NPAS3: variants seen among roughly 807,000 people sequenced by gnomAD.
The protein encoded by NPAS3 is neuronal PAS domain protein 3, also known as neuronal PAS domain-containing protein 3.
In NPAS3, 14 loss-of-function variants were observed where a neutral mutation model predicts 73.1. That is an observed-to-expected ratio of 0.19 (90% CI 0.13 to 0.30). The LOEUF (loss-of-function observed/expected upper bound fraction) is 0.30. NPAS3 is among the 10% of genes least tolerant of loss of function. The pLI is 1.00. For synonymous variants in NPAS3, 620 were observed against 541.5 expected (o/e 1.14, Z -2.01); for missense variants, 1,096 against 1,250.0 (o/e 0.88, Z 1.86).
rs767887544 is a variant in NPAS3, at chr14:33,800,135, G to A, written c.1828G>A (p.Gly610Ser). The change falls in exon 12 of 12, where the codon GGC (glycine) becomes AGC (serine). Residue 610 changes from glycine to serine, a missense_variant. This residue lies in a region of NPAS3 where 698 missense variants were observed against 676.7 expected (regional missense o/e 1.03). Coordinates refer to ENST00000356141, the Ensembl canonical transcript of NPAS3. This position sits in a 1 kb window ranked among gnomAD's most constrained non-coding sequence, Gnocchi z 6.5. ...GAAAAGGCGGAAACGGCAAAAGGGC[G>A]GCAGCGCCAGCCGCCGGCGCCTGTC... The A allele has an allele frequency of 4.4e-6, 7 of 1,583,736 alleles. No individual in the cohort carries two copies. The highest frequency in any genetic ancestry group is 1.1e-5 in the South Asian group (1 of 88,644).
chr14:33,196,910 T>C (rs995458136), intron 2 of NPAS3, among the ~76,000 whole-genome samples: 12 of 152,220 alleles, frequency 7.9e-5, no homozygotes, highest in African/African-American at 2.7e-4. Flanking sequence ...AATTTGGGTT[T>C]ATTTTCTGTG....
intron 4 of NPAS3, among the ~76,000 whole-genome samples, chr14:33,559,534 C>T (rs1449946512): frequency 6.6e-6 from 1 of 152,044 alleles, no homozygotes; most frequent in Non-Finnish European, 1.5e-5. Context: ...AAAATAAAGG[C>T]AACAGCTCAT....
rs148934953 is a variant in NPAS3 at position 33,418,386 on chromosome 14, C to A, written c.468+51118C>A. Among the ~76,000 whole-genome samples, 19 of 152,046 alleles carry A rather than the reference C, an allele frequency of 1.2e-4. No individual in the cohort carries two copies. In the East Asian group the frequency reaches 3.5e-3, roughly 28 times the overall value. On this transcript the variant is annotated intron_variant, in intron 4 of 11. Transcript: ENST00000356141. ...ATAGATAGTAGGGAAGCCTCCCAGG[C>A]TTGTATGCTGCTGGTAGCAGGCAGT...
intron 1 of NPAS3, among the ~76,000 whole-genome samples, chr14:33,007,031 T>G (rs1426342117): frequency 6.6e-6 from 1 of 152,226 alleles, no homozygotes; most frequent in Non-Finnish European, 1.5e-5. Context: ...TTTTTTGTTA[T>G]CCATTAGCAC....
intron 7 of NPAS3, among the ~76,000 whole-genome samples, chr14:33,772,945 G>A (rs2062700465): frequency 6.6e-6 from 1 of 152,106 alleles, no homozygotes; most frequent in East Asian, 1.9e-4. Context: ...CCACAGCTGT[G>A]GGCGCCGACG....
In NPAS3 at chr14:33,446,595, G is replaced by A. The variant is rs563312636; in HGVS notation, c.468+79327G>A. Among the ~76,000 whole-genome samples the A allele has an allele frequency of 3.9e-4, 60 of 152,326 alleles. 1 individual carries two copies. The highest frequency in any genetic ancestry group is 3.9e-3 in the South Asian group (19 of 4,832). On this transcript the variant is annotated intron_variant, in intron 4 of 11. Transcript: ENST00000356141. ...AGAGATGGAGAAAAACTTGTTAGCAGTCTCAGCAGAAAATTCTTGAGATGG... is the reference window on the plus strand; with the variant it reads ...AGAGATGGAGAAAAACTTGTTAGCAATCTCAGCAGAAAATTCTTGAGATGG...
intron 5 of NPAS3, chr14:33,578,192 T>C (rs1367108518): frequency 4.4e-6 from 2 of 455,990 alleles, no homozygotes; most frequent in East Asian, 1.4e-4. Context: ...CCAACACCTT[T>C]GTTTTTTTTT....
At chr14:33,094,088 G>A (rs976098606) in intron 2 of NPAS3, among the ~76,000 whole-genome samples, 12 of 149,142 alleles carry the variant, frequency 8.0e-5, no homozygotes, top group Non-Finnish European at 1.8e-4. Context: ...TGCACATTGT[G>A]TACATGTACC....
chr14:33,281,415 A>T (rs2140063569), intron 3 of NPAS3, among the ~76,000 whole-genome samples: 1 of 152,154 alleles, frequency 6.6e-6, no homozygotes, highest in East Asian at 1.9e-4. Flanking sequence ...TGGATCACTT[A>T]AGGTCAGGAG....
chr14:32,991,396 A>C (rs1036936439), intron 1 of NPAS3, among the ~76,000 whole-genome samples: 1 of 152,126 alleles, frequency 6.6e-6, no homozygotes, highest in Non-Finnish European at 1.5e-5. Context: ...CGCAGCATTG[A>C]TGTCTTTAGC....
chr14:33,126,995 T>G (rs545264634), intron 2 of NPAS3, among the ~76,000 whole-genome samples: 6 of 152,248 alleles, frequency 3.9e-5, no homozygotes, highest in South Asian at 2.1e-4. Context: ...TGTAGTAGTA[T>G]TATTGAAGCT....
intron 4 of NPAS3, among the ~76,000 whole-genome samples, chr14:33,558,116 T>A (rs2055449437): frequency 1.3e-5 from 2 of 152,242 alleles, no homozygotes. Flanking sequence ...TAAAAGCTCA[T>A]CTATCATGTA....
At chr14:33,661,338 G>A (rs2059302325) in intron 5 of NPAS3, among the ~76,000 whole-genome samples, 1 of 152,170 alleles carries the variant, frequency 6.6e-6, no homozygotes, top group African/African-American at 2.4e-5. Context: ...GGAGGGCAGA[G>A]GAAGTTATTA....
At chr14:33,606,693 T>C (rs571844927) in intron 5 of NPAS3, among the ~76,000 whole-genome samples, 1 of 152,282 alleles carries the variant, frequency 6.6e-6, no homozygotes, top group African/African-American at 2.4e-5. Context: ...GATAAAGATG[T>C]CCTAATTATG....
At chr14:33,771,673 A>G (rs968516807) in intron 7 of NPAS3, among the ~76,000 whole-genome samples, 1 of 152,046 alleles carries the variant, frequency 6.6e-6, no homozygotes, top group Admixed American at 6.6e-5. Flanking sequence ...TTAGCTGGGC[A>G]TGGTGGCGGG....
At chr14:33,183,432 T>TTG (rs1566649905) in intron 2 of NPAS3, among the ~76,000 whole-genome samples, 1 of 61,750 alleles carries the variant, frequency 1.6e-5, no homozygotes, top group Non-Finnish European at 3.6e-5. Flanking sequence ...TTTTTTTTTT[T>TTG]TTTTTTTTTT....
chr14:33,147,701 T>C (rs1232778763), intron 2 of NPAS3, among the ~76,000 whole-genome samples: 1 of 141,648 alleles, frequency 7.1e-6, no homozygotes, highest in Non-Finnish European at 1.5e-5. Context: ...ATTGTGCACA[T>C]GTACCCTAGA....
chr14:33,329,339 T>A (rs757203970), intron 3 of NPAS3, among the ~76,000 whole-genome samples: 1 of 152,062 alleles, frequency 6.6e-6, no homozygotes, highest in East Asian at 1.9e-4. Context: ...GGGGTAGTGA[T>A]AAGTACGATG....
chr14:33,371,685 T>C (rs1412586061), intron 4 of NPAS3, among the ~76,000 whole-genome samples: 1 of 152,176 alleles, frequency 6.6e-6, no homozygotes, highest in East Asian at 1.9e-4. Flanking sequence ...TATATCAACG[T>C]GTCTATGTGT....
Sources: gnomAD v4.1 joint callset for allele counts (sites outside exome capture counted in the v4.1 genomes callset) on GRCh38, gnomAD v4.1.1 for gene constraint, gnomAD v4.1.1 regional missense constraint, Gnocchi (gnomAD v3.1) non-coding constraint, MANE v1.5 for transcripts, NCBI Gene and HGNC (gene_info 2026-07-23, HGNC 2026-07-21) for gene names.